The following SGCD variants were observed in gnomAD, a reference collection of about 807,000 sequenced individuals.
The protein encoded by SGCD is sarcoglycan delta.
Under a neutral mutation model 36.6 loss-of-function variants are expected in SGCD, and 18 were observed. The ratio of observed to expected loss-of-function variants is 0.49; its 90% CI spans 0.34 to 0.73. The LOEUF is 0.73. SGCD is among the 30% of genes least tolerant of loss of function. The pLI, the probability that SGCD is intolerant of heterozygous loss-of-function variation, is 0.01. For synonymous variants in SGCD, 133 were observed against 130.6 expected (o/e 1.02, Z -0.12); for missense variants, 387 against 346.7 (o/e 1.12, Z -0.92).
intron 1 of SGCD, among the ~76,000 whole-genome samples, chr5:156,098,340 T>TTA (rs1453752018): frequency 2.6e-5 from 4 of 152,288 alleles, no homozygotes; most frequent in Non-Finnish European, 4.4e-5. Context: ...CTCAAGCAGA[T>TTA]TATATATGCA....
chr5:156,336,210 C>T (rs1448114862), intron 2 of SGCD, among the ~76,000 whole-genome samples: 2 of 152,190 alleles, frequency 1.3e-5, no homozygotes, highest in East Asian at 1.9e-4. Context: ...TTTGCACTTG[C>T]TTGTCCAGTT....
intron 1 of SGCD, among the ~76,000 whole-genome samples, chr5:156,074,561 T>C (rs1760711283): frequency 6.6e-6 from 1 of 152,078 alleles, no homozygotes; most frequent in Admixed American, 6.6e-5. Flanking sequence ...ATGCCTGTAG[T>C]CCGAGCTACT....
intron 3 of SGCD, among the ~76,000 whole-genome samples, chr5:156,287,875 A>G (rs1052064862): frequency 1.3e-5 from 2 of 152,054 alleles, no homozygotes; most frequent in Non-Finnish European, 2.9e-5. Flanking sequence ...CTCCAGCCTG[A>G]GTGACAAAGT....
At chr5:156,074,895 G>A (rs1011379509) in intron 1 of SGCD, among the ~76,000 whole-genome samples, 6 of 152,104 alleles carry the variant, frequency 3.9e-5, no homozygotes, top group Non-Finnish European at 5.9e-5. Flanking sequence ...AGGTCAAAAA[G>A]GGAAATGTAT....
At position 156,051,420 on chromosome 5, in the gene SGCD, C is replaced by T. The variant is rs10057948; in HGVS notation, c.-281-66458C>T. Among the ~76,000 whole-genome samples the T allele has an allele frequency of 2.6e-3, 373 of 146,090 alleles. 23 individuals carry two copies. Among genetic ancestry groups the T allele is most frequent in the African/African-American group, 9.0e-3 (365 of 40,730 alleles). Reference sequence around the variant, plus strand: ...ATAAATATGCAAATTTATATTTGACCACATGGAGAGAGATGGGAGCTGTCT... The same window carrying T: ...ATAAATATGCAAATTTATATTTGACTACATGGAGAGAGATGGGAGCTGTCT... On this transcript the variant is annotated intron_variant, in intron 1 of 9. Coordinates refer to the SGCD transcript ENST00000517913.
At chr5:156,359,896 T>C (rs989756003) in intron 3 of SGCD, among the ~76,000 whole-genome samples, 2 of 152,222 alleles carry the variant, frequency 1.3e-5, no homozygotes, top group African/African-American at 4.8e-5. Flanking sequence ...CTACTGAACT[T>C]AGAAAGGTTA....
At chr5:156,586,274 G>C (rs1760489835) in intron 4 of SGCD, among the ~76,000 whole-genome samples, 1 of 152,094 alleles carries the variant, frequency 6.6e-6, no homozygotes, top group African/African-American at 2.4e-5. Context: ...CTCGTGTTTA[G>C]ATGGGGATTA....
At chr5:156,346,358 G>C (rs1033728152) in intron 3 of SGCD, among the ~76,000 whole-genome samples, 1 of 152,128 alleles carries the variant, frequency 6.6e-6, no homozygotes, top group African/African-American at 2.4e-5. Context: ...TAGGACAGTG[G>C]TACGATCATA....
At chr5:156,143,382 C>T (rs76830179) in intron 3 of SGCD, among the ~76,000 whole-genome samples, 3,114 of 152,306 alleles carry the variant, frequency 0.02, 45 homozygotes, top group Non-Finnish European at 0.034. Context: ...AAATGTGAGA[C>T]TGGATCCCCC....
intron 3 of SGCD, among the ~76,000 whole-genome samples, chr5:156,409,324 C>T (rs2127768302): frequency 6.6e-6 from 1 of 152,166 alleles, no homozygotes; most frequent in South Asian, 2.1e-4. Context: ...CTGCAATGGT[C>T]AAACTTCTCT....
chr5:155,863,715 G>A, the SGCD span, among the ~76,000 whole-genome samples: 1 of 151,954 alleles, frequency 6.6e-6, no homozygotes, highest in Non-Finnish European at 1.5e-5. Context: ...TGAAGGTCAG[G>A]ATTCCCTATA....
At chr5:156,005,262 C>T (rs1350460114) in intron 1 of SGCD, among the ~76,000 whole-genome samples, 3 of 152,110 alleles carry the variant, frequency 2.0e-5, no homozygotes, top group Non-Finnish European at 4.4e-5. Context: ...CATCCCAGTC[C>T]TAATGGGCTT....
At chr5:156,156,354 C>A (rs116452061) in intron 3 of SGCD, among the ~76,000 whole-genome samples, 1 of 151,512 alleles carries the variant, frequency 6.6e-6, no homozygotes, top group Non-Finnish European at 1.5e-5. Context: ...TGTGGCTGGG[C>A]ACGGTGGCTC....
intron 3 of SGCD, among the ~76,000 whole-genome samples, chr5:156,294,554 T>C (rs1231136258): frequency 6.6e-6 from 1 of 152,342 alleles, no homozygotes; most frequent in Non-Finnish European, 1.5e-5. Flanking sequence ...TCTTCTTGCC[T>C]TGATTCTAAT....
chr5:156,477,167 C>T (rs1297943929), intron 3 of SGCD, among the ~76,000 whole-genome samples: 1 of 151,976 alleles, frequency 6.6e-6, no homozygotes, highest in Non-Finnish European at 1.5e-5. Flanking sequence ...TTTAAGGAAT[C>T]CTTTAGTATT....
chr5:156,359,426 T>G (rs1769662208), intron 3 of SGCD, among the ~76,000 whole-genome samples: 1 of 152,172 alleles, frequency 6.6e-6, no homozygotes, highest in African/African-American at 2.4e-5. Flanking sequence ...TTATCTAATC[T>G]CTGTAACAGC....
intron 3 of SGCD, among the ~76,000 whole-genome samples, chr5:156,125,714 G>A (rs1406664002): frequency 6.6e-6 from 1 of 151,470 alleles, no homozygotes; most frequent in African/African-American, 2.4e-5. Context: ...GGACCAAATA[G>A]GTAATTAACC....
At chr5:156,564,873 C>T (rs777807041) in intron 4 of SGCD, among the ~76,000 whole-genome samples, 6 of 152,016 alleles carry the variant, frequency 3.9e-5, no homozygotes, top group Non-Finnish European at 8.8e-5. Context: ...ACATATACAC[C>T]ACATGTTGTT....
chr5:156,389,477 G>C (rs529381026), intron 3 of SGCD, among the ~76,000 whole-genome samples: 5 of 152,178 alleles, frequency 3.3e-5, no homozygotes, highest in African/African-American at 9.6e-5. Context: ...TTATAGTATT[G>C]TTTGCTTTGT....
Sources: gnomAD v4.1 joint callset for allele counts (sites outside exome capture counted in the v4.1 genomes callset) on GRCh38, gnomAD v4.1.1 for gene constraint, MANE v1.5 for transcripts, NCBI Gene and HGNC (gene_info 2026-07-23, HGNC 2026-07-21) for gene names.